Variants in CSMD1 observed in about 807,000 individuals in gnomAD.
CSMD1 encodes CUB and sushi domain-containing protein 1.
In CSMD1, 213 loss-of-function variants were observed where a neutral mutation model predicts 417.5. The observed-to-expected ratio is 0.51, with a 90% CI of 0.46 to 0.57. CSMD1 has a LOEUF of 0.57. CSMD1 is among the 20% of genes least tolerant of loss of function. CSMD1 has a pLI of 0.00. For missense variants in CSMD1, 6,923 were observed against 4,529.7 expected (o/e 1.53, Z -15.17); for synonymous variants, 2,862 against 1,736.8 (o/e 1.65, Z -16.11).
At chr8:3,555,169 G>C (rs1008272833) in intron 10 of CSMD1, among the ~76,000 whole-genome samples, 6 of 151,874 alleles carry the variant, frequency 4.0e-5, no homozygotes, top group African/African-American at 9.7e-5. Flanking sequence ...AAGCAGAATG[G>C]GGAGAAATGT....
At chr8:3,078,796 C>G (rs373449361) in intron 49 of CSMD1, among the ~76,000 whole-genome samples, 1 of 152,146 alleles carries the variant, frequency 6.6e-6, no homozygotes, top group African/African-American at 2.4e-5. Flanking sequence ...ACACTGCTGC[C>G]TTGACATTCA....
At chr8:3,120,521 A>G (rs116878633) in intron 41 of CSMD1, among the ~76,000 whole-genome samples, 32 of 152,234 alleles carry the variant, frequency 2.1e-4, no homozygotes, top group Non-Finnish European at 4.1e-4. Flanking sequence ...CCTATTTAAT[A>G]AACTAATGAA....
At chr8:3,387,727 G>GA in intron 17 of CSMD1, 45 bp from the exon 18 acceptor site, 1 of 1,498,344 alleles carries the variant, frequency 6.7e-7, no homozygotes, top group Non-Finnish European at 9.1e-7. Context: ...CTTTCTGGTT[G>GA]ATTGAAAATA....
intron 23 of CSMD1, among the ~76,000 whole-genome samples, chr8:3,308,732 G>GTGTTTTTTTTTTTTTTTTTT (rs1805090018): frequency 2.8e-5 from 3 of 108,930 alleles, no homozygotes; most frequent in African/African-American, 1.1e-4. Context: ...CTACTTACAA[G>GTGTTTTTTTTTTTTTTTTTT]TTTTTTTTTT....
intron 6 of CSMD1, among the ~76,000 whole-genome samples, chr8:3,735,543 T>C (rs1796485915): frequency 6.6e-6 from 1 of 152,212 alleles, no homozygotes; most frequent in African/African-American, 2.4e-5. Flanking sequence ...AAAAAGCAAA[T>C]TCTGCCTTTA....
intron 3 of CSMD1, among the ~76,000 whole-genome samples, chr8:4,370,968 G>C (rs565571336): frequency 6.6e-6 from 1 of 152,204 alleles, no homozygotes; most frequent in African/African-American, 2.4e-5. Context: ...TGGCGAGCTA[G>C]TGTGATTGTT....
intron 1 of CSMD1, among the ~76,000 whole-genome samples, chr8:4,647,189 G>A (rs79362510): frequency 6.6e-6 from 1 of 151,332 alleles, no homozygotes; most frequent in African/African-American, 2.4e-5. Flanking sequence ...AGGCCACTGG[G>A]CCATACGTAA....
At chr8:4,440,982 G>C (rs894824574) in intron 2 of CSMD1, among the ~76,000 whole-genome samples, 1 of 144,646 alleles carries the variant, frequency 6.9e-6, no homozygotes, top group Admixed American at 7.1e-5. Flanking sequence ...AGATGACACA[G>C]TGAGACTCTA....
chr8:4,307,410 C>G (rs979855437), intron 3 of CSMD1, among the ~76,000 whole-genome samples: 1 of 152,172 alleles, frequency 6.6e-6, no homozygotes, highest in Non-Finnish European at 1.5e-5. Context: ...CACCACAATT[C>G]TCGTATCACA....
intron 7 of CSMD1, among the ~76,000 whole-genome samples, chr8:3,617,814 A>G (rs1330885628): frequency 2.0e-5 from 3 of 152,200 alleles, no homozygotes; most frequent in Non-Finnish European, 4.4e-5. Flanking sequence ...CTGATTTACT[A>G]TAGCGTAAAT....
chr8:3,233,282 G>A (rs1314940225), intron 26 of CSMD1, among the ~76,000 whole-genome samples: 1 of 152,120 alleles, frequency 6.6e-6, no homozygotes, highest in African/African-American at 2.4e-5. Context: ...GGCTATCACA[G>A]GAGGGGAATT....
At chr8:3,629,077 G>A (rs1017642682) in intron 7 of CSMD1, among the ~76,000 whole-genome samples, 1 of 152,284 alleles carries the variant, frequency 6.6e-6, no homozygotes, top group African/African-American at 2.4e-5. Flanking sequence ...GACACAAGAG[G>A]AGTGAGAAGT....
chr8:3,778,238 T>C (rs1332009284), intron 5 of CSMD1, among the ~76,000 whole-genome samples: 1 of 152,184 alleles, frequency 6.6e-6, no homozygotes, highest in Non-Finnish European at 1.5e-5. Flanking sequence ...ACTGACTATT[T>C]TCTGCTCTGA....
intron 7 of CSMD1, among the ~76,000 whole-genome samples, chr8:3,708,087 T>C (rs1801280724): frequency 6.6e-6 from 1 of 152,176 alleles, no homozygotes; most frequent in Middle Eastern, 3.4e-3. Context: ...GTCTGGTGTG[T>C]GTGGGGTGTG....
intron 1 of CSMD1, among the ~76,000 whole-genome samples, chr8:4,651,960 C>A (rs756599006): frequency 5.3e-5 from 8 of 152,166 alleles, no homozygotes; most frequent in Non-Finnish European, 8.8e-5. Flanking sequence ...ACTCAATCCT[C>A]TGGGTCTAGC....
chr8:4,793,441 C>T (rs908803203), intron 1 of CSMD1, among the ~76,000 whole-genome samples: 1 of 151,954 alleles, frequency 6.6e-6, no homozygotes, highest in African/African-American at 2.4e-5. Context: ...CTCTTTATCA[C>T]TTTCTCCTCC....
chr8:4,687,730 C>G (rs1225205573), intron 1 of CSMD1, among the ~76,000 whole-genome samples: 4 of 152,116 alleles, frequency 2.6e-5, no homozygotes, highest in Non-Finnish European at 1.5e-5. Flanking sequence ...CCTTTCCACA[C>G]TAGGTTCTTC....
At chr8:3,292,965 C>G (rs572505923) in intron 25 of CSMD1, among the ~76,000 whole-genome samples, 1 of 151,718 alleles carries the variant, frequency 6.6e-6, no homozygotes, top group African/African-American at 2.4e-5. Context: ...TGGCTGGTAC[C>G]GGTTGTTCCT....
In CSMD1 at chr8:3,590,539, G is replaced by C. The variant is rs1800801463; in HGVS notation, c.1098-4279C>G. On this transcript the variant is annotated intron_variant, in intron 8 of 69. Coordinates refer to ENST00000635120, the MANE Select transcript of CSMD1 (RefSeq NM_033225.6). ...ATCACAAGCTAGTCCAGAAATCTCT[G>C]CGCACATTCATATTCAGTACATTGA... 1.3e-5 allele frequency among the ~76,000 whole-genome samples: 2 copies of C among 152,134 alleles called. 1 individual carries two copies. The highest frequency in any genetic ancestry group is 4.2e-4 in the South Asian group (2 of 4,792).
Sources: gnomAD v4.1 joint callset for allele counts (sites outside exome capture counted in the v4.1 genomes callset) on GRCh38, gnomAD v4.1.1 for gene constraint, MANE v1.5 for transcripts, NCBI Gene and HGNC (gene_info 2026-07-23, HGNC 2026-07-21) for gene names.